TOX2: variants seen among roughly 807,000 people sequenced by gnomAD.
TOX2 encodes TOX high mobility group box family member 2.
Under a neutral mutation model 47.4 loss-of-function variants are expected in TOX2, and 15 were observed. The ratio of observed to expected loss-of-function variants is 0.32; its 90% CI spans 0.21 to 0.49. The LOEUF is 0.49. Among genes scored for constraint, TOX2 ranks in the 20% least tolerant of loss-of-function variants. The probability of loss-of-function intolerance (pLI) is 0.99; values close to 1 mark genes in which losing one functional copy is unlikely to be tolerated. For synonymous variants in TOX2, 290 were observed against 296.6 expected (o/e 0.98, Z 0.23); for missense variants, 622 against 673.1 (o/e 0.92, Z 0.84).
chr20:44,029,688 G>T (rs549962551), intron 3 of TOX2, among the ~76,000 whole-genome samples: 22 of 152,094 alleles, frequency 1.4e-4, no homozygotes, highest in Non-Finnish European at 3.1e-4. Flanking sequence ...CTCCACAATC[G>T]CACTTTCTGC....
intron 3 of TOX2, among the ~76,000 whole-genome samples, chr20:44,013,444 G>C (rs533031953): frequency 1.3e-5 from 2 of 152,346 alleles, no homozygotes; most frequent in South Asian, 2.1e-4. Flanking sequence ...ACACAAGGAA[G>C]AAAGACCCTC....
intron 1 of TOX2, chr20:43,945,903 TCTG>T: frequency 6.2e-7 from 1 of 1,611,776 alleles, no homozygotes; most frequent in Non-Finnish European, 8.5e-7. Context: ...TTCCTCTTTC[TCTG>T]CTGATTATGC....
intron 1 of TOX2, among the ~76,000 whole-genome samples, chr20:43,920,396 G>A (rs955926776): frequency 1.3e-5 from 2 of 152,218 alleles, no homozygotes; most frequent in African/African-American, 4.8e-5. Context: ...CATACTTGGT[G>A]GGTGAGATTC....
intron 1 of TOX2, among the ~76,000 whole-genome samples, chr20:43,947,232 G>C (rs2069489201): frequency 6.6e-6 from 1 of 152,254 alleles, no homozygotes; most frequent in Non-Finnish European, 1.5e-5. Context: ...CATAGGGCAA[G>C]TTCCTTGAGC....
Position 44,066,773 on chromosome 20 carries a change from G to A in TOX2, c.1400G>A (p.Cys467Tyr). The A allele has an allele frequency of 1.2e-6, 2 of 1,614,158 alleles. No individual in the cohort carries two copies. Among genetic ancestry groups the A allele is most frequent in the Non-Finnish European group, 1.7e-6 (2 of 1,180,022 alleles). Reference sequence around the variant, plus strand: ...GAGTTCCCCAGCAGCTCGGGATCCTGCTCACCTGGCCCATCCAACCCCACC... The same window carrying A: ...GAGTTCCCCAGCAGCTCGGGATCCTACTCACCTGGCCCATCCAACCCCACC... ...ISEFPSSSGSCSPGPSNPTSS... is the reference protein window; with the variant it reads ...ISEFPSSSGSYSPGPSNPTSS... Residue 467 changes from cysteine to tyrosine, a missense_variant, in exon 8 of 9, where the codon TGC becomes TAC. Cys to Tyr is a radical substitution (Grantham distance 194). This residue lies in a region of TOX2 where 294 missense variants were observed against 300.0 expected (regional missense o/e 0.98). Transcript: ENST00000341197.
At chr20:44,064,201 A>T (rs560208326) in intron 5 of TOX2, among the ~76,000 whole-genome samples, 2 of 152,274 alleles carry the variant, frequency 1.3e-5, no homozygotes, top group African/African-American at 4.8e-5. Flanking sequence ...CATGCATCAC[A>T]TTTGTGCTTG....
chr20:44,000,081 G>C (rs1032027070), intron 2 of TOX2, among the ~76,000 whole-genome samples: 10 of 152,332 alleles, frequency 6.6e-5, no homozygotes, highest in Admixed American at 1.3e-4. Context: ...TGAACAAGGG[G>C]AATAGGAGAT....
At position 44,068,694 on chromosome 20, in the gene TOX2, T is replaced by G; in HGVS notation, c.*8T>G. 1 of 1,613,930 alleles carries G rather than the reference T, an allele frequency of 6.2e-7. No homozygotes were observed. Among genetic ancestry groups the G allele is most frequent in the Middle Eastern group, 1.6e-4 (1 of 6,062 alleles). ...TCGCTCTACCTCACCTAATCCCGCCTCCCTACCATCCCTGAGGCTCGCTGG... is the reference window on the plus strand; with the variant it reads ...TCGCTCTACCTCACCTAATCCCGCCGCCCTACCATCCCTGAGGCTCGCTGG... On this transcript the variant is annotated 3_prime_UTR_variant, in exon 9 of 9. Transcript: ENST00000341197.
intron 5 of TOX2, among the ~76,000 whole-genome samples, chr20:44,060,852 TAA>T (rs1328343066): frequency 1.3e-5 from 2 of 151,502 alleles, no homozygotes; most frequent in Non-Finnish European, 2.9e-5. Context: ...CTCAAGGAAC[TAA>T]AGAGAGAGAA....
At chr20:43,931,232 G>A (rs2069248889) in intron 1 of TOX2, among the ~76,000 whole-genome samples, 1 of 152,110 alleles carries the variant, frequency 6.6e-6, no homozygotes, top group Admixed American at 6.5e-5. Context: ...TCGACCTCCT[G>A]GGCTCAAGCG....
intron 1 of TOX2, among the ~76,000 whole-genome samples, chr20:43,917,568 A>C (rs1461092882): frequency 1.3e-5 from 2 of 151,980 alleles, no homozygotes; most frequent in Non-Finnish European, 2.9e-5. Context: ...GATGCCCGAC[A>C]CCTATGGGGC....
chr20:44,039,246 G>T (rs970988205), intron 3 of TOX2: 11 of 1,289,444 alleles, frequency 8.5e-6, no homozygotes, highest in Non-Finnish European at 1.1e-5. Flanking sequence ...CATAAAGGAG[G>T]ATGACACAGA....
Position 44,064,865 on chromosome 20 carries a change from C to T in TOX2, c.960+8C>T. 6.2e-7 allele frequency: 1 copy of T among 1,613,400 alleles called. No individual in the cohort carries two copies. The highest frequency in any genetic ancestry group is 8.5e-7 in the Non-Finnish European group (1 of 1,179,518). On this transcript the variant is annotated splice_region_variant and intron_variant, in intron 6 of 8. Coordinates refer to ENST00000341197, the MANE Select transcript of TOX2 (RefSeq NM_001098797.2). ...GCTAGCCTCGTCTCCAAGGTAACACCCGGAATCTCCAGGCACAGCCCTGAT... is the reference window on the plus strand; with the variant it reads ...GCTAGCCTCGTCTCCAAGGTAACACTCGGAATCTCCAGGCACAGCCCTGAT...
At chr20:43,971,111 G>A (rs777159334) in intron 1 of TOX2, among the ~76,000 whole-genome samples, 6 of 152,188 alleles carry the variant, frequency 3.9e-5, no homozygotes, top group Non-Finnish European at 5.9e-5. Context: ...GATAGGCCTG[G>A]TCAGAGGTGA....
chr20:44,046,367 T>A (rs1221430510), intron 3 of TOX2, among the ~76,000 whole-genome samples: 1 of 152,052 alleles, frequency 6.6e-6, no homozygotes, highest in Non-Finnish European at 1.5e-5. Context: ...GGAAACACAA[T>A]AGGAATGGCA....
chr20:43,963,502 G>T (rs1035298882), intron 1 of TOX2, among the ~76,000 whole-genome samples: 7 of 152,188 alleles, frequency 4.6e-5, no homozygotes, highest in Admixed American at 1.3e-4. Context: ...GGGGTGGGAA[G>T]CCAGGATGTA....
chr20:44,065,884 G>C lies in TOX2; in HGVS notation c.1133G>C (p.Gly378Ala), dbSNP rs377621372. The C allele has an allele frequency of 6.2e-7, 1 of 1,612,548 alleles. No homozygotes were observed. Among genetic ancestry groups the C allele is most frequent in the East Asian group, 2.2e-5 (1 of 44,838 alleles). ...ASPASLARTLGSKSLLPGLSA... is the reference protein window; with the variant it reads ...ASPASLARTLASKSLLPGLSA... The stretch of plus-strand genomic sequence containing the variant: ...CCTGCCAGCCTCGCCCGGACGCTGG[G>C]CTCCAAGTCTCTGCTGCCAGGCCTC... The change falls in exon 7 of 9, where the codon GGC becomes GCC. Residue 378 changes from glycine (G) to alanine (A), a missense_variant. By Grantham distance (60) the Gly-to-Ala change is moderately conservative. This residue lies in a region of TOX2 where 294 missense variants were observed against 300.0 expected (regional missense o/e 0.98). Transcript: ENST00000341197.
chr20:44,043,229 C>T (rs2071361684), intron 3 of TOX2, among the ~76,000 whole-genome samples: 1 of 152,122 alleles, frequency 6.6e-6, no homozygotes, highest in African/African-American at 2.4e-5. Context: ...AGGTACCAGC[C>T]ATTTCCCCTC....
chr20:44,014,444 G>A (rs540274611), intron 3 of TOX2, among the ~76,000 whole-genome samples: 1 of 152,256 alleles, frequency 6.6e-6, no homozygotes, highest in South Asian at 2.1e-4. Flanking sequence ...AACCTACCAT[G>A]ATGACATTTT....
Sources: gnomAD v4.1 joint callset for allele counts (sites outside exome capture counted in the v4.1 genomes callset) on GRCh38, gnomAD v4.1.1 for gene constraint, gnomAD v4.1.1 regional missense constraint, MANE v1.5 for transcripts, NCBI Gene and HGNC (gene_info 2026-07-23, HGNC 2026-07-21) for gene names.